STPG2: variants seen among roughly 807,000 people sequenced by gnomAD.
STPG2 encodes the protein sperm-tail PG-rich repeat-containing protein 2.
A neutral mutation model predicts 54.2 loss-of-function variants in STPG2; 56 were observed. The observed-to-expected ratio is 1.03, with a 90% CI of 0.83 to 1.29. The LOEUF is 1.29. Among genes scored for constraint, STPG2 ranks in the 50% most tolerant of loss-of-function variants. STPG2 has a pLI of 0.00. For synonymous variants in STPG2, 200 were observed against 181.8 expected (o/e 1.10, Z -0.81); for missense variants, 596 against 544.9 (o/e 1.09, Z -0.93).
intron 10 of STPG2, among the ~76,000 whole-genome samples, chr4:97,608,660 T>A (rs906481201): frequency 6.6e-6 from 1 of 152,040 alleles, no homozygotes; most frequent in Non-Finnish European, 1.5e-5. Flanking sequence ...AGTCTGTTTT[T>A]CAGAAAATTA....
intron 9 of STPG2, among the ~76,000 whole-genome samples, chr4:97,724,287 G>A (rs971482500): frequency 2.6e-5 from 4 of 151,762 alleles, no homozygotes; most frequent in African/African-American, 9.7e-5. Flanking sequence ...TATCCAACTG[G>A]AATCTTAAGT....
At chr4:97,673,454 CAT>C (rs1258266906) in intron 10 of STPG2, among the ~76,000 whole-genome samples, 1 of 152,122 alleles carries the variant, frequency 6.6e-6, no homozygotes, top group Non-Finnish European at 1.5e-5. Flanking sequence ...AAAAAATAAA[CAT>C]ATATTTAACA....
chr4:97,458,173 T>C (rs571737952), intron 4 of STPG2, among the ~76,000 whole-genome samples: 2 of 152,342 alleles, frequency 1.3e-5, no homozygotes, highest in Middle Eastern at 3.4e-3. Context: ...TTGATCTTCA[T>C]TGAAACCATG....
At chr4:97,532,051 A>T (rs778332989) in intron 4 of STPG2, among the ~76,000 whole-genome samples, 5 of 152,160 alleles carry the variant, frequency 3.3e-5, no homozygotes, top group Non-Finnish European at 7.4e-5. Context: ...AAAAAGCCCA[A>T]CAATAATTTT....
chr4:97,805,277 C>A (rs1024786970), intron 9 of STPG2, among the ~76,000 whole-genome samples: 1 of 152,022 alleles, frequency 6.6e-6, no homozygotes, highest in African/African-American at 2.4e-5. Flanking sequence ...CGCGATCTCC[C>A]CTCACTGCAA....
At chr4:97,555,752 T>C (rs1326798900), downstream of STPG2, among the ~76,000 whole-genome samples, 1 of 151,972 alleles carries the variant, frequency 6.6e-6, no homozygotes, top group Non-Finnish European at 1.5e-5. Context: ...AAACCCAAAA[T>C]AGGTAGTATA....
In STPG2 at chr4:97,995,574, C is replaced by A. The variant is rs2149272176; in HGVS notation, c.613-14256G>T. Among the ~76,000 whole-genome samples, 4 of 152,184 alleles carry A rather than the reference C, an allele frequency of 2.6e-5. No homozygotes were observed. In the Middle Eastern group the frequency reaches 0.014, roughly 518 times the overall value. The stretch of plus-strand genomic sequence containing the variant: ...ACACAGCCAAGAGGAACATCTGCCA[C>A]TGAGAAACCAGGATATTGGGAAAAG... On this transcript the variant is annotated intron_variant, in intron 5 of 10. Transcript: ENST00000295268.
intron 4 of STPG2, among the ~76,000 whole-genome samples, chr4:97,546,772 T>C (rs544518372): frequency 6.6e-6 from 1 of 152,274 alleles, no homozygotes; most frequent in East Asian, 1.9e-4. Context: ...AATCACTAAT[T>C]AAGTAATACA....
intron 9 of STPG2, among the ~76,000 whole-genome samples, chr4:97,807,751 T>G (rs991221560): frequency 6.6e-6 from 1 of 151,462 alleles, no homozygotes; most frequent in African/African-American, 2.4e-5. Flanking sequence ...TTTCTAAAAC[T>G]GGAAAAATAA....
chr4:97,532,849 T>C (rs936778275), intron 4 of STPG2, among the ~76,000 whole-genome samples: 3 of 152,146 alleles, frequency 2.0e-5, no homozygotes, highest in Non-Finnish European at 4.4e-5. Context: ...AGTTCAACAA[T>C]GGTTGAGAAA....
intron 8 of STPG2, among the ~76,000 whole-genome samples, chr4:97,860,393 AT>A (rs1729481887): frequency 6.6e-6 from 1 of 151,942 alleles, no homozygotes; most frequent in African/African-American, 2.4e-5. Context: ...TGTGTCATCT[AT>A]GATTTTATTC....
At chr4:97,804,188 A>G (rs1377216601) in intron 9 of STPG2, among the ~76,000 whole-genome samples, 4 of 152,176 alleles carry the variant, frequency 2.6e-5, no homozygotes, top group African/African-American at 9.7e-5. Context: ...CTTTTAATCT[A>G]ACGTAATCTA....
At chr4:97,893,299 A>G (rs1384589745) in intron 8 of STPG2, 17 of 152,112 alleles carry the variant, frequency 1.1e-4, no homozygotes, top group Non-Finnish European at 2.4e-4. Context: ...CCAAAAAAGG[A>G]TCAAAATGAT....
intron 5 of STPG2, among the ~76,000 whole-genome samples, chr4:98,023,021 A>T (rs1159641316): frequency 6.6e-6 from 1 of 152,160 alleles, no homozygotes; most frequent in African/African-American, 2.4e-5. Flanking sequence ...TCAACTCATC[A>T]AAGTCACTCT....
intron 8 of STPG2, among the ~76,000 whole-genome samples, chr4:97,891,753 G>A (rs1252338981): frequency 1.3e-5 from 2 of 152,160 alleles, no homozygotes; most frequent in Admixed American, 1.3e-4. Flanking sequence ...TGAAGAAGAG[G>A]ATGAATTTTC....
intron 4 of STPG2, among the ~76,000 whole-genome samples, chr4:97,524,284 T>G (rs1731238144): frequency 6.6e-6 from 1 of 151,976 alleles, no homozygotes; most frequent in Non-Finnish European, 1.5e-5. Context: ...TTTCAATAAA[T>G]TCCTCAACTT....
intron 6 of STPG2, among the ~76,000 whole-genome samples, chr4:97,975,465 G>C (rs1459426950): frequency 6.6e-6 from 1 of 151,878 alleles, no homozygotes; most frequent in Non-Finnish European, 1.5e-5. Flanking sequence ...TCATAACCTG[G>C]AATATTTTCC....
intron 9 of STPG2, among the ~76,000 whole-genome samples, chr4:97,764,141 CAG>C (rs1491072916): frequency 6.7e-6 from 1 of 149,178 alleles, no homozygotes; most frequent in Non-Finnish European, 1.5e-5. Flanking sequence ...CACACACACA[CAG>C]AGGCACAGAC....
At chr4:97,863,749 C>T (rs910244843) in intron 8 of STPG2, among the ~76,000 whole-genome samples, 3 of 152,146 alleles carry the variant, frequency 2.0e-5, no homozygotes, top group Non-Finnish European at 1.5e-5. Context: ...GCTTATCCAC[C>T]ATGGTTAAGT....
Sources: gnomAD v4.1 joint callset for allele counts (sites outside exome capture counted in the v4.1 genomes callset) on GRCh38, gnomAD v4.1.1 for gene constraint, MANE v1.5 for transcripts, NCBI Gene and HGNC (gene_info 2026-07-23, HGNC 2026-07-21) for gene names.